MACROD2: variants seen among roughly 807,000 people sequenced by gnomAD.
MACROD2 encodes ADP-ribose glycohydrolase MACROD2.
MACROD2 carries 36 observed loss-of-function variants against 70.4 expected under a neutral mutation model. That is an observed-to-expected ratio of 0.51 (90% CI 0.39 to 0.68). MACROD2 has a LOEUF of 0.68. Ranked by LOEUF, MACROD2 falls within the 30% of genes least tolerant of loss-of-function variation. The probability of loss-of-function intolerance (pLI) is 0.00; values close to 1 mark genes in which losing one functional copy is unlikely to be tolerated. For synonymous variants in MACROD2, 172 were observed against 178.8 expected (o/e 0.96, Z 0.30); for missense variants, 496 against 538.4 (o/e 0.92, Z 0.78).
intron 4 of MACROD2, among the ~76,000 whole-genome samples, chr20:14,502,149 G>T (rs1165190858): frequency 1.3e-5 from 2 of 152,210 alleles, no homozygotes; most frequent in Non-Finnish European, 2.9e-5. Context: ...TATGTTTTGG[G>T]ATGACTACAT....
intron 3 of MACROD2, among the ~76,000 whole-genome samples, chr20:14,110,298 CT>C (rs1044247915): frequency 1.3e-5 from 2 of 151,684 alleles, no homozygotes. Context: ...AAACTGAAAG[CT>C]TTTTTTTAAA....
intron 10 of MACROD2, among the ~76,000 whole-genome samples, chr20:15,894,744 G>A (rs938604385): frequency 6.6e-6 from 1 of 152,198 alleles, no homozygotes; most frequent in African/African-American, 2.4e-5. Context: ...TGATGATCAT[G>A]GCCATCGTAG....
At chr20:15,175,422 G>A (rs2145894284) in intron 5 of MACROD2, among the ~76,000 whole-genome samples, 1 of 151,936 alleles carries the variant, frequency 6.6e-6, no homozygotes, top group Non-Finnish European at 1.5e-5. Context: ...AAAACTTAAA[G>A]TATAATAATA....
rs1441817844 is a variant in MACROD2, at chr20:14,755,131, AGGGT to A, written c.418+70179_418+70182del. ...GAATCTAAGATCATCCTTAGAAATT[AGGGT>A]GGGTGGAGAAACCAGAGTGATGTGT... On this transcript the variant is annotated intron_variant, in intron 5 of 17. Coordinates refer to ENST00000684519, the MANE Select transcript of MACROD2 (RefSeq NM_001351661.2). 4.6e-5 allele frequency among the ~76,000 whole-genome samples: 7 copies of A among 152,024 alleles called. 1 individual carries two copies. The highest frequency in any genetic ancestry group is 1.0e-4 in the Non-Finnish European group (7 of 67,996).
chr20:14,150,888 C>CA (rs1432010210), intron 3 of MACROD2, among the ~76,000 whole-genome samples: 1 of 152,094 alleles, frequency 6.6e-6, no homozygotes, highest in Non-Finnish European at 1.5e-5. Flanking sequence ...GAAGAGCAGG[C>CA]AAGGATTGGG....
intron 5 of MACROD2, among the ~76,000 whole-genome samples, chr20:14,824,701 C>A (rs1028268681): frequency 6.6e-6 from 1 of 151,998 alleles, no homozygotes; most frequent in African/African-American, 2.4e-5. Flanking sequence ...AAGTACTTAT[C>A]CAGTTTTTTG....
At chr20:15,124,296 T>C (rs1381048528) in intron 5 of MACROD2, among the ~76,000 whole-genome samples, 3 of 151,610 alleles carry the variant, frequency 2.0e-5, no homozygotes, top group Non-Finnish European at 4.4e-5. Context: ...CACTACCAGA[T>C]ATGTTATTTA....
intron 6 of MACROD2, among the ~76,000 whole-genome samples, chr20:15,287,867 A>T (rs1259494650): frequency 6.6e-6 from 1 of 152,220 alleles, no homozygotes; most frequent in African/African-American, 2.4e-5. Flanking sequence ...TACACTACTA[A>T]TCTTCCATCT....
intron 3 of MACROD2, among the ~76,000 whole-genome samples, chr20:14,400,326 ACT>A (rs2083624589): frequency 6.6e-6 from 1 of 151,936 alleles, no homozygotes; most frequent in African/African-American, 2.4e-5. Flanking sequence ...CCTTTTGAGT[ACT>A]CTCCCTGATG....
At chr20:15,084,348 G>C (rs1202970499) in intron 5 of MACROD2, among the ~76,000 whole-genome samples, 1 of 151,980 alleles carries the variant, frequency 6.6e-6, no homozygotes, top group Non-Finnish European at 1.5e-5. Flanking sequence ...GATTACAGAC[G>C]TGAGCCACCA....
At chr20:15,656,928 A>G (rs778445203) in intron 8 of MACROD2, among the ~76,000 whole-genome samples, 5 of 152,154 alleles carry the variant, frequency 3.3e-5, no homozygotes, top group African/African-American at 4.8e-5. Context: ...AAAAGTTTCT[A>G]TTTTTTAAGT....
intron 5 of MACROD2, among the ~76,000 whole-genome samples, chr20:14,951,897 C>T (rs76697133): frequency 0.02 from 2,963 of 150,588 alleles, 94 homozygotes; most frequent in African/African-American, 0.069. Flanking sequence ...CCTCCCTCCC[C>T]TTCAGGGCAG....
intron 5 of MACROD2, among the ~76,000 whole-genome samples, chr20:15,167,549 G>T (rs1288803192): frequency 6.6e-6 from 1 of 152,092 alleles, no homozygotes; most frequent in African/African-American, 2.4e-5. Flanking sequence ...AAAAAAATAT[G>T]CTTTTTACAA....
chr20:14,181,321 G>A (rs916394059), intron 3 of MACROD2, among the ~76,000 whole-genome samples: 1 of 151,872 alleles, frequency 6.6e-6, no homozygotes, highest in Non-Finnish European at 1.5e-5. Context: ...TTCCGCCTTG[G>A]CCTCCCAAAG....
At chr20:15,888,719 C>T (rs1468808365) in intron 10 of MACROD2, among the ~76,000 whole-genome samples, 1 of 152,070 alleles carries the variant, frequency 6.6e-6, no homozygotes, top group African/African-American at 2.4e-5. Flanking sequence ...TATTCAATGG[C>T]CCAAGGATGC....
At chr20:14,274,760 C>T (rs905052440) in intron 3 of MACROD2, among the ~76,000 whole-genome samples, 2 of 151,956 alleles carry the variant, frequency 1.3e-5, no homozygotes, top group Admixed American at 6.6e-5. Context: ...ATTGTCTCAG[C>T]CCAAAATCTC....
chr20:14,727,739 G>T (rs777328642), intron 5 of MACROD2, among the ~76,000 whole-genome samples: 1 of 152,140 alleles, frequency 6.6e-6, no homozygotes, highest in African/African-American at 2.4e-5. Flanking sequence ...AGATCTGCAA[G>T]ATTACTTTCA....
At chr20:15,657,367 C>T (rs1477093090) in intron 8 of MACROD2, among the ~76,000 whole-genome samples, 3 of 152,150 alleles carry the variant, frequency 2.0e-5, no homozygotes, top group Non-Finnish European at 4.4e-5. Context: ...AATTCGGCTA[C>T]CTGTTGTTGC....
At chr20:15,464,377 A>G (rs1013370460) in intron 7 of MACROD2, among the ~76,000 whole-genome samples, 3 of 152,172 alleles carry the variant, frequency 2.0e-5, no homozygotes, top group Non-Finnish European at 2.9e-5. Flanking sequence ...TTACTCAGAA[A>G]TGGGAGGGAG....
Sources: gnomAD v4.1 joint callset for allele counts (sites outside exome capture counted in the v4.1 genomes callset) on GRCh38, gnomAD v4.1.1 for gene constraint, MANE v1.5 for transcripts, NCBI Gene and HGNC (gene_info 2026-07-23, HGNC 2026-07-21) for gene names.